Variants in SPATA33 observed in about 807,000 individuals in gnomAD.
The protein encoded by SPATA33 is spermatogenesis-associated protein 33.
In SPATA33, 10 loss-of-function variants were observed where a neutral mutation model predicts 8.9. The observed-to-expected ratio is 1.12, with a 90% CI of 0.69 to 1.90. SPATA33 has a LOEUF of 1.90. Among genes scored for constraint, SPATA33 ranks in the 40% most tolerant of loss-of-function variants. SPATA33 has a pLI of 0.00. For missense variants in SPATA33, 241 were observed against 178.3 expected (o/e 1.35, Z -2.00); for synonymous variants, 96 against 72.8 (o/e 1.32, Z -1.63).
intron 2 of SPATA33, among the ~76,000 whole-genome samples, chr16:89,667,197 G>A (rs1196544730): frequency 6.6e-6 from 1 of 152,196 alleles, no homozygotes; most frequent in Non-Finnish European, 1.5e-5. Context: ...ACCAGACGCT[G>A]GCGTTACCAC....
At chr16:89,657,829 A>T (rs778437378), upstream of SPATA33, 3 of 1,510,204 alleles carry the variant, frequency 2.0e-6, no homozygotes, top group South Asian at 3.7e-5. Flanking sequence ...TGGCGCGAGG[A>T]CCTTTTGTGA....
intron 2 of SPATA33, chr16:89,659,139 A>T (rs1195060474): frequency 6.6e-6 from 1 of 152,256 alleles, no homozygotes; most frequent in Non-Finnish European, 1.5e-5. Context: ...TCTCTACAAA[A>T]AATAAATATT....
intron 2 of SPATA33, among the ~76,000 whole-genome samples, chr16:89,666,501 A>G (rs1285388027): frequency 6.6e-6 from 1 of 152,176 alleles, no homozygotes; most frequent in Non-Finnish European, 1.5e-5. Flanking sequence ...TGTCTCTACA[A>G]AAAATTTCAA....
chr16:89,658,201 C>CT, intron 1 of SPATA33, 47 bp from the exon 2 acceptor site: 1 of 1,609,738 alleles, frequency 6.2e-7, no homozygotes, highest in Non-Finnish European at 8.5e-7. Context: ...ACCCACTGCC[C>CT]TGCATTCGGT....
At chr16:89,663,675 G>C (rs1346650644) in intron 2 of SPATA33, among the ~76,000 whole-genome samples, 4 of 152,138 alleles carry the variant, frequency 2.6e-5, no homozygotes, top group Non-Finnish European at 5.9e-5. Context: ...TTGGGGTTGG[G>C]GTAGGGAGTG....
In SPATA33 at chr16:89,657,953, A is replaced by C. The variant is rs1362884313; in HGVS notation, c.37+5A>C. On this transcript the variant is annotated splice_donor_5th_base_variant and intron_variant, in intron 1 of 2. Coordinates refer to ENST00000579310, the MANE Select transcript of SPATA33 (RefSeq NM_001271907.2). ...GCAAAGAGAAACCCAGGAAAGGTAA[A>C]GGAGGCGCAGGCGCTGGGCTCCCCG... 11 of 1,513,794 alleles carry C rather than the reference A, an allele frequency of 7.3e-6. No homozygotes were observed. Among genetic ancestry groups the C allele is most frequent in the African/African-American group, 1.4e-5 (1 of 69,670 alleles). The allele number at this position is 1,513,794 out of a possible 1,614,324, so 93.8% of individuals were successfully genotyped here.
chr16:89,664,021 A>G (rs756929144), intron 2 of SPATA33, among the ~76,000 whole-genome samples: 47 of 152,252 alleles, frequency 3.1e-4, no homozygotes, highest in Middle Eastern at 3.4e-3. Context: ...CAGGGGCCTG[A>G]GATAGGAGGA....
chr16:89,660,955 C>T, intron 2 of SPATA33: 1 of 1,010,568 alleles, frequency 9.9e-7, no homozygotes, highest in Non-Finnish European at 1.2e-6. Flanking sequence ...GAGCCAGCAT[C>T]AGTGTCCAGC....
At chr16:89,663,595 G>C (rs1358341087) in intron 2 of SPATA33, among the ~76,000 whole-genome samples, 3 of 152,108 alleles carry the variant, frequency 2.0e-5, no homozygotes, top group Non-Finnish European at 4.4e-5. Context: ...TAGACAGGGA[G>C]GACAGATTGT....
intron 2 of SPATA33, among the ~76,000 whole-genome samples, chr16:89,668,490 T>C (rs964669763): frequency 4.7e-4 from 71 of 152,146 alleles, no homozygotes; most frequent in African/African-American, 1.7e-3. Flanking sequence ...CACACATATG[T>C]GTGCAGAGAG....
chr16:89,664,829 C>G (rs752019193), intron 2 of SPATA33, among the ~76,000 whole-genome samples: 1 of 152,178 alleles, frequency 6.6e-6, no homozygotes, highest in African/African-American at 2.4e-5. Context: ...GCAGTGCAGC[C>G]GGCCCCTGGA....
At chr16:89,667,047 C>G (rs1282971025) in intron 2 of SPATA33, among the ~76,000 whole-genome samples, 2 of 152,186 alleles carry the variant, frequency 1.3e-5, no homozygotes, top group Non-Finnish European at 2.9e-5. Flanking sequence ...AGGCCCTCCA[C>G]AAGAGGTGGA....
At chr16:89,667,344 G>A (rs930576300) in intron 2 of SPATA33, among the ~76,000 whole-genome samples, 2 of 152,144 alleles carry the variant, frequency 1.3e-5, no homozygotes, top group African/African-American at 4.8e-5. Context: ...TGATTGTAGA[G>A]CGAGGATTAT....
At chr16:89,668,108 T>TC (rs1205432795) in intron 2 of SPATA33, 1 of 152,234 alleles carries the variant, frequency 6.6e-6, no homozygotes, top group East Asian at 1.9e-4. Context: ...GGTCGGGAGT[T>TC]CAAGACCAGC....
At chr16:89,663,861 G>A (rs1051235737) in intron 2 of SPATA33, among the ~76,000 whole-genome samples, 5 of 152,226 alleles carry the variant, frequency 3.3e-5, no homozygotes, top group African/African-American at 1.2e-4. Flanking sequence ...GCTCACGCCT[G>A]TAATTTCAGA....
intron 2 of SPATA33, among the ~76,000 whole-genome samples, chr16:89,662,802 T>A (rs1030190650): frequency 5.3e-5 from 8 of 150,410 alleles, no homozygotes; most frequent in Middle Eastern, 3.4e-3. Context: ...TTTTGTTGTT[T>A]GTTTGTTTTG....
chr16:89,668,876 C>T (rs1188291304), intron 2 of SPATA33, among the ~76,000 whole-genome samples: 1 of 152,200 alleles, frequency 6.6e-6, no homozygotes, highest in African/African-American at 2.4e-5. Flanking sequence ...ATTTCTAGAA[C>T]ATTCTAATGG....
intron 2 of SPATA33, chr16:89,660,959 G>A (rs2059958496): frequency 9.9e-7 from 1 of 1,009,094 alleles, no homozygotes; most frequent in East Asian, 9.6e-5. Context: ...CAGCATCAGT[G>A]TCCAGCCCCA....
In SPATA33 at chr16:89,658,251, A is replaced by G. The variant is rs1271939855; in HGVS notation, c.41A>G (p.Glu14Gly). 1.2e-6 allele frequency: 2 copies of G among 1,614,052 alleles called. No individual in the cohort carries two copies. Among genetic ancestry groups the G allele is most frequent in the Admixed American group, 1.7e-5 (1 of 60,014 alleles). ...SKSKEKPRKG[E>G]EQKKGSTYSV... ...ACGGATGATCCATATATTTCAGGTG[A>G]GGAGCAAAAGAAGGGATCCACCTAT... is the stretch of plus-strand genomic sequence containing the variant. Residue 14 changes from glutamate to glycine, a missense_variant, in exon 2 of 3, where the codon GAG (glutamate) becomes GGG (glycine). Physicochemically the swap from Glu to Gly is moderately conservative, Grantham distance 98 (BLOSUM62 -2). Coordinates refer to ENST00000579310, the MANE Select transcript of SPATA33 (RefSeq NM_001271907.2).
Sources: gnomAD v4.1 joint callset for allele counts (sites outside exome capture counted in the v4.1 genomes callset) on GRCh38, gnomAD v4.1.1 for gene constraint, MANE v1.5 for transcripts, NCBI Gene and HGNC (gene_info 2026-07-23, HGNC 2026-07-21) for gene names.